Variants in ITGA9 observed in about 807,000 individuals in gnomAD.
ITGA9 encodes the protein integrin subunit alpha 9, also known as integrin alpha-9.
In ITGA9, 56 loss-of-function variants were observed where a neutral mutation model predicts 127.8. The ratio of observed to expected loss-of-function variants is 0.44; its 90% CI spans 0.35 to 0.55. The LOEUF (loss-of-function observed/expected upper bound fraction) is 0.55, where lower values mean the gene tolerates loss of function less well. Among genes scored for constraint, ITGA9 ranks in the 20% least tolerant of loss-of-function variants. ITGA9 has a pLI of 0.00. For missense variants in ITGA9, 1,196 were observed against 1,347.1 expected (o/e 0.89, Z 1.76); for synonymous variants, 508 against 514.5 (o/e 0.99, Z 0.17).
chr3:37,656,609 C>T (rs1013006640), intron 17 of ITGA9, among the ~76,000 whole-genome samples: 6 of 152,180 alleles, frequency 3.9e-5, no homozygotes, highest in African/African-American at 1.4e-4. Flanking sequence ...ATGGGGTTTT[C>T]TAAATATACA....
At chr3:37,690,259 G>A (rs1037783011) in intron 18 of ITGA9, among the ~76,000 whole-genome samples, 20 of 152,186 alleles carry the variant, frequency 1.3e-4, no homozygotes, top group African/African-American at 4.8e-4. Flanking sequence ...AGGAGGGGCA[G>A]GAGAGAACCC....
At chr3:37,470,950 C>G (rs768470019) in intron 1 of ITGA9, 57 bp from the exon 2 acceptor site, 161 of 1,603,286 alleles carry the variant, frequency 1.0e-4, no homozygotes, top group Admixed American at 1.3e-4. Context: ...ACTTAGCCAT[C>G]TGCCTCCTAT....
intron 27 of ITGA9, among the ~76,000 whole-genome samples, chr3:37,811,887 C>G (rs1697373251): frequency 6.6e-6 from 1 of 152,214 alleles, no homozygotes; most frequent in South Asian, 2.1e-4. Context: ...TGGGGCTGTT[C>G]CAAGAGCCTG....
chr3:37,585,131 T>TTAATGGC (rs1699745832), intron 15 of ITGA9, among the ~76,000 whole-genome samples: 1 of 152,178 alleles, frequency 6.6e-6, no homozygotes, highest in African/African-American at 2.4e-5. Context: ...ACCTAGGGCA[T>TTAATGGC]TAATGGCTCC....
intron 23 of ITGA9, among the ~76,000 whole-genome samples, chr3:37,772,132 G>A (rs1221999793): frequency 6.6e-6 from 1 of 152,080 alleles, no homozygotes. Flanking sequence ...TAGGCCAGGG[G>A]CTGTGGCTCA....
At chr3:37,765,256 T>C (rs1696767300) in intron 23 of ITGA9, among the ~76,000 whole-genome samples, 1 of 152,070 alleles carries the variant, frequency 6.6e-6, no homozygotes, top group African/African-American at 2.4e-5. Context: ...CTTTAACCCA[T>C]GGCAGAGGTT....
intron 16 of ITGA9, among the ~76,000 whole-genome samples, chr3:37,634,453 T>G (rs565113635): frequency 1.3e-5 from 2 of 150,616 alleles, no homozygotes; most frequent in Admixed American, 6.6e-5. Flanking sequence ...AGAGCAGGAG[T>G]AGACTTTAAG....
chr3:37,771,310 A>C (rs1476243347), intron 23 of ITGA9, among the ~76,000 whole-genome samples: 1 of 152,210 alleles, frequency 6.6e-6, no homozygotes, highest in Non-Finnish European at 1.5e-5. Flanking sequence ...AGTGCGGTTA[A>C]AACCAAGTTG....
intron 15 of ITGA9, among the ~76,000 whole-genome samples, chr3:37,606,228 G>C (rs1699967707): frequency 6.6e-6 from 1 of 152,096 alleles, no homozygotes; most frequent in Non-Finnish European, 1.5e-5. Flanking sequence ...TTTTCTTTGT[G>C]GTGTCTCAGC....
chr3:37,792,405 C>A (rs528641963), intron 26 of ITGA9, among the ~76,000 whole-genome samples: 1 of 152,136 alleles, frequency 6.6e-6, no homozygotes, highest in Non-Finnish European at 1.5e-5. Flanking sequence ...AGGGAGTAGC[C>A]TGCTTTAGAT....
rs181219963 is a variant in ITGA9, at chr3:37,604,834, G to A, written c.1690-24353G>A. Among the ~76,000 whole-genome samples, 3 of 152,254 alleles carry A rather than the reference G, an allele frequency of 2.0e-5. No homozygotes were observed. The East Asian group carries it at 5.8e-4, about 29-fold the overall frequency. ...CAGAGGTTCTCAGATGTTCAGAGAG[G>A]CTTCCTCTCCCCTTCCATGAAAGTT... On this transcript the variant is annotated intron_variant, in intron 15 of 27. Transcript: ENST00000264741.
chr3:37,756,939 C>CCTTTATTCTTAAA (rs1696659450), intron 23 of ITGA9, among the ~76,000 whole-genome samples: 5 of 149,906 alleles, frequency 3.3e-5, no homozygotes, highest in African/African-American at 1.0e-4. Context: ...AAAAAGAAAT[C>CCTTTATTCTTAAA]AAAGTTGAAG....
intron 17 of ITGA9, among the ~76,000 whole-genome samples, chr3:37,656,994 T>C (rs1461125392): frequency 9.9e-5 from 15 of 152,204 alleles, no homozygotes; most frequent in Non-Finnish European, 1.5e-5. Flanking sequence ...GGATTATGTT[T>C]ATTGATTTGC....
intron 17 of ITGA9, among the ~76,000 whole-genome samples, chr3:37,677,466 A>G (rs1369735776): frequency 1.3e-5 from 2 of 152,252 alleles, no homozygotes; most frequent in Admixed American, 6.5e-5. Context: ...TAAGCACCTC[A>G]GTAGCATTTG....
At chr3:37,803,429 T>C (rs1697257620) in intron 26 of ITGA9, among the ~76,000 whole-genome samples, 2 of 152,238 alleles carry the variant, frequency 1.3e-5, no homozygotes, top group African/African-American at 4.8e-5. Flanking sequence ...GATACTTCTC[T>C]GTAGTTCTCT....
In ITGA9 at chr3:37,578,129, G is replaced by A. The variant is rs118104979; in HGVS notation, c.1689+35544G>A. On this transcript the variant is annotated intron_variant, in intron 15 of 27. Transcript: ENST00000264741. ...TTGGGGGGTGGGAGGCTGCAGTTGA[G>A]AGGTACAAGAAATGTTCAATGAGGG... Among the ~76,000 whole-genome samples, 71 of 152,290 alleles carry A rather than the reference G, an allele frequency of 4.7e-4. 2 individuals carry two copies. In the East Asian group the frequency reaches 0.014, roughly 29 times the overall value.
At chr3:37,599,251 TCTG>T (rs1699895193) in intron 15 of ITGA9, among the ~76,000 whole-genome samples, 1 of 152,220 alleles carries the variant, frequency 6.6e-6, no homozygotes. Flanking sequence ...GCTGGATAGT[TCTG>T]CTGATCTGGG....
At chr3:37,583,280 A>C (rs1699727101) in intron 15 of ITGA9, among the ~76,000 whole-genome samples, 1 of 152,192 alleles carries the variant, frequency 6.6e-6, no homozygotes, top group African/African-American at 2.4e-5. Flanking sequence ...ATGATGAGAA[A>C]TAGCCACTGT....
intron 3 of ITGA9, among the ~76,000 whole-genome samples, chr3:37,479,413 G>C (rs1325861926): frequency 1.3e-5 from 2 of 152,232 alleles, no homozygotes; most frequent in South Asian, 4.1e-4. Flanking sequence ...CTCAGGTTTT[G>C]AGAGTCATTC....
Sources: allele counts gnomAD v4.1 joint callset (sites outside exome capture counted in the v4.1 genomes callset), GRCh38; gene constraint gnomAD v4.1.1; transcripts MANE v1.5; gene names NCBI Gene and HGNC (gene_info 2026-07-23, HGNC 2026-07-21).